The following KCNQ5 variants were observed in gnomAD, a reference collection of about 807,000 sequenced individuals.
KCNQ5 encodes the protein potassium voltage-gated channel subfamily Q member 5.
KCNQ5 carries 30 observed loss-of-function variants against 98.2 expected under a neutral mutation model. The ratio of observed to expected loss-of-function variants is 0.31; its 90% CI spans 0.23 to 0.41. The LOEUF is 0.41. KCNQ5 is among the 10% of genes least tolerant of loss of function. The pLI is 1.00. For missense variants in KCNQ5, 835 were observed against 1,182.5 expected, an observed-to-expected ratio of 0.71 and a Z score of 4.31; for synonymous variants, 458 against 449.4, an observed-to-expected ratio of 1.02 and a Z score of -0.24.
intron 3 of KCNQ5, among the ~76,000 whole-genome samples, chr6:73,049,656 A>G (rs1772125511): frequency 6.6e-6 from 1 of 152,216 alleles, no homozygotes; most frequent in Non-Finnish European, 1.5e-5. Flanking sequence ...ACCATATTAC[A>G]TAGATTAGCA....
chr6:73,019,978 T>G (rs552963077), intron 2 of KCNQ5, among the ~76,000 whole-genome samples: 3 of 152,308 alleles, frequency 2.0e-5, no homozygotes, highest in African/African-American at 7.2e-5. Flanking sequence ...ATTTAATTCT[T>G]TACCTTATCA....
intron 1 of KCNQ5, among the ~76,000 whole-genome samples, chr6:72,953,271 A>G (rs181484714): frequency 8.9e-4 from 135 of 152,290 alleles, no homozygotes; most frequent in Non-Finnish European, 1.7e-3. Context: ...TTTCAGGTGG[A>G]CTTTAGCCTG....
intron 1 of KCNQ5, among the ~76,000 whole-genome samples, chr6:72,920,527 T>A (rs925532158): frequency 6.6e-6 from 1 of 152,186 alleles, no homozygotes; most frequent in African/African-American, 2.4e-5. Flanking sequence ...AGGTGGCCAT[T>A]AAAGCCTCTT....
chr6:72,891,834 C>G (rs1183924662), intron 1 of KCNQ5, among the ~76,000 whole-genome samples: 2 of 152,164 alleles, frequency 1.3e-5, no homozygotes, highest in Non-Finnish European at 2.9e-5. Flanking sequence ...CTATTTACCT[C>G]AAAAATCTGA....
intron 1 of KCNQ5, among the ~76,000 whole-genome samples, chr6:72,723,684 A>G (rs1293639207): frequency 6.6e-6 from 1 of 151,706 alleles, no homozygotes; most frequent in Non-Finnish European, 1.5e-5. Flanking sequence ...ACAGGTGATC[A>G]TATAAATAGT....
intron 1 of KCNQ5, among the ~76,000 whole-genome samples, chr6:72,637,099 T>C (rs2098924592): frequency 6.6e-6 from 1 of 152,252 alleles, no homozygotes; most frequent in Admixed American, 6.5e-5. Flanking sequence ...AAACTAAATG[T>C]TCTAGTTAAT....
At chr6:73,066,910 A>G (rs1243660213) in intron 3 of KCNQ5, among the ~76,000 whole-genome samples, 1 of 152,232 alleles carries the variant, frequency 6.6e-6, no homozygotes, top group African/African-American at 2.4e-5. Context: ...CATCTGGCAC[A>G]TGATATACAT....
intron 1 of KCNQ5, among the ~76,000 whole-genome samples, chr6:72,801,247 T>A (rs1211507672): frequency 2.0e-5 from 3 of 148,710 alleles, no homozygotes; most frequent in Non-Finnish European, 4.5e-5. Flanking sequence ...CCCATTATTA[T>A]TGTGTGGGAG....
chr6:73,020,943 T>G (rs1359950227), intron 2 of KCNQ5, among the ~76,000 whole-genome samples: 4 of 152,200 alleles, frequency 2.6e-5, no homozygotes, highest in Admixed American at 2.6e-4. Context: ...CACAGTCATG[T>G]GCTACATGCC....
chr6:72,935,030 C>A (rs557645876), intron 1 of KCNQ5, among the ~76,000 whole-genome samples: 204 of 149,312 alleles, frequency 1.4e-3, no homozygotes, highest in African/African-American at 4.7e-3. Flanking sequence ...AAACTTCCAA[C>A]TTTAACTGAA....
chr6:72,717,513 A>G (rs183283529), intron 1 of KCNQ5, among the ~76,000 whole-genome samples: 1 of 152,234 alleles, frequency 6.6e-6, no homozygotes, highest in Non-Finnish European at 1.5e-5. Flanking sequence ...TTACCAAATA[A>G]CATATCATGA....
chr6:72,827,375 C>T (rs1582367956), intron 1 of KCNQ5, among the ~76,000 whole-genome samples: 2 of 152,020 alleles, frequency 1.3e-5, no homozygotes, highest in African/African-American at 4.8e-5. Flanking sequence ...TTTCTCCACA[C>T]CCTCACCACC....
chr6:72,866,202 C>T (rs1419554078), intron 1 of KCNQ5, among the ~76,000 whole-genome samples: 2 of 151,498 alleles, frequency 1.3e-5, no homozygotes, highest in East Asian at 3.9e-4. Flanking sequence ...TTTATTATGT[C>T]CCCTCAGAAT....
chr6:73,190,718 AT>A lies in KCNQ5; in HGVS notation c.1709+15del, dbSNP rs1246061011. 6.6e-7 allele frequency: 1 copy of A among 1,512,234 alleles called. No individual in the cohort carries two copies. The highest frequency in any genetic ancestry group is 8.9e-7 in the Non-Finnish European group (1 of 1,124,292). 93.7% of individuals were successfully genotyped at this position (1,512,234 alleles called of 1,614,324 possible). A position where few individuals can be genotyped will look rare whatever the true frequency, so the allele number is the denominator to read the frequency against. On this transcript the variant is annotated intron_variant, in intron 12 of 13. Transcript: ENST00000370398. ...CCTTCAAACACGGTAAGCAATGGAAATGTCATTCCTTGTAAAGGAATGGGCA... is the reference window on the plus strand; with the variant it reads ...CCTTCAAACACGGTAAGCAATGGAAAGTCATTCCTTGTAAAGGAATGGGCA...
At chr6:72,983,921 ACAGT>A (rs1453447682) in intron 1 of KCNQ5, among the ~76,000 whole-genome samples, 1 of 151,862 alleles carries the variant, frequency 6.6e-6, no homozygotes, top group Non-Finnish European at 1.5e-5. Context: ...TTTCCTTCTA[ACAGT>A]CAGGTCCCTC....
intron 2 of KCNQ5, among the ~76,000 whole-genome samples, chr6:73,041,663 C>T (rs1266570353): frequency 6.6e-6 from 1 of 152,148 alleles, no homozygotes; most frequent in East Asian, 1.9e-4. Context: ...ATTATTCAGC[C>T]TGCACATTTA....
At chr6:72,812,210 G>T (rs922666753) in intron 1 of KCNQ5, among the ~76,000 whole-genome samples, 3 of 152,158 alleles carry the variant, frequency 2.0e-5, no homozygotes, top group Non-Finnish European at 4.4e-5. Flanking sequence ...GGGTCTTTAT[G>T]ACCTGTATCT....
chr6:72,802,446 C>T (rs1774709709), intron 1 of KCNQ5, among the ~76,000 whole-genome samples: 1 of 152,102 alleles, frequency 6.6e-6, no homozygotes, highest in Non-Finnish European at 1.5e-5. Flanking sequence ...GTCCCTCAAA[C>T]ATTTTTACAA....
chr6:72,895,573 T>C (rs1435825110), intron 1 of KCNQ5, among the ~76,000 whole-genome samples: 1 of 151,230 alleles, frequency 6.6e-6, no homozygotes, highest in East Asian at 1.9e-4. Flanking sequence ...ACACTTTGAA[T>C]TAGTCATTAC....
Sources: gnomAD v4.1 joint callset for allele counts (sites outside exome capture counted in the v4.1 genomes callset) on GRCh38, gnomAD v4.1.1 for gene constraint, MANE v1.5 for transcripts, NCBI Gene and HGNC (gene_info 2026-07-23, HGNC 2026-07-21) for gene names.